TAFA1: variants seen among roughly 807,000 people sequenced by gnomAD.
TAFA1 encodes the protein TAFA chemokine like family member 1, also known as chemokine-like protein TAFA-1.
Under a neutral mutation model 18.5 loss-of-function variants are expected in TAFA1, and 4 were observed. That is an observed-to-expected ratio of 0.22 (90% CI 0.11 to 0.49). The LOEUF (loss-of-function observed/expected upper bound fraction) is 0.49. Ranked by LOEUF, TAFA1 falls within the 20% of genes least tolerant of loss-of-function variation. TAFA1 has a pLI of 0.98. For synonymous variants in TAFA1, 56 were observed against 55.2 expected (o/e 1.01, Z -0.06); for missense variants, 147 against 169.0 (o/e 0.87, Z 0.72).
intron 3 of TAFA1, among the ~76,000 whole-genome samples, chr3:68,466,706 T>G (rs1209981782): frequency 6.6e-6 from 1 of 152,216 alleles, no homozygotes; most frequent in African/African-American, 2.4e-5. Context: ...TCAATATTTT[T>G]ATTTTAACAT....
chr3:68,006,119 T>C (rs1704352011), intron 1 of TAFA1: 1 of 155,606 alleles, frequency 6.4e-6, no homozygotes, highest in Non-Finnish European at 1.4e-5. Context: ...GATTACAACA[T>C]GCCTCTGAGA....
chr3:68,488,801 T>TG (rs2072396626), intron 3 of TAFA1, among the ~76,000 whole-genome samples: 1 of 152,184 alleles, frequency 6.6e-6, no homozygotes, highest in Admixed American at 6.5e-5. Context: ...TGGTGTTGAT[T>TG]GATTGTGTTA....
chr3:68,258,201 T>C (rs949594339), intron 2 of TAFA1, among the ~76,000 whole-genome samples: 1 of 152,220 alleles, frequency 6.6e-6, no homozygotes, highest in Non-Finnish European at 1.5e-5. Flanking sequence ...GTGTTCATAT[T>C]AGGAGAAGTT....
intron 3 of TAFA1, among the ~76,000 whole-genome samples, chr3:68,493,438 G>A (rs1416154444): frequency 6.6e-6 from 1 of 152,176 alleles, no homozygotes; most frequent in Non-Finnish European, 1.5e-5. Context: ...AAATAATGCT[G>A]CTATGCACAT....
chr3:68,255,586 G>T (rs559072512), intron 2 of TAFA1, among the ~76,000 whole-genome samples: 6 of 152,196 alleles, frequency 3.9e-5, no homozygotes, highest in African/African-American at 1.4e-4. Context: ...GTCCGTTCAG[G>T]TGATGCCAGG....
intron 2 of TAFA1, among the ~76,000 whole-genome samples, chr3:68,240,201 C>T (rs1480894359): frequency 6.6e-6 from 1 of 152,080 alleles, no homozygotes; most frequent in Non-Finnish European, 1.5e-5. Flanking sequence ...TATCTTCTTC[C>T]CAACTATACC....
intron 2 of TAFA1, among the ~76,000 whole-genome samples, chr3:68,087,690 A>G (rs1046462146): frequency 1.3e-5 from 2 of 151,510 alleles, no homozygotes; most frequent in African/African-American, 4.9e-5. Context: ...AAAACATAGC[A>G]TTATATTAAA....
chr3:68,253,371 T>C (rs1381982878), intron 2 of TAFA1, among the ~76,000 whole-genome samples: 1 of 152,202 alleles, frequency 6.6e-6, no homozygotes, highest in African/African-American at 2.4e-5. Context: ...TTTTCCCAAA[T>C]GGTCCAGTCT....
rs145368173 is a variant in TAFA1 at position 68,485,450 on chromosome 3, A to C, written c.260-53306A>C. On this transcript the variant is annotated intron_variant, in intron 3 of 4. Transcript: ENST00000478136. ...CATCATTTTTTGCCTCTACTGACAA[A>C]GTCAGAATTTAGATGAGTGTACCTG... 2.6e-4 allele frequency among the ~76,000 whole-genome samples: 40 copies of C among 152,316 alleles called. No individual in the cohort carries two copies. In the East Asian group the frequency reaches 6.9e-3, roughly 26 times the overall value.
chr3:68,208,836 T>C (rs1212633088), intron 2 of TAFA1, among the ~76,000 whole-genome samples: 3 of 151,988 alleles, frequency 2.0e-5, no homozygotes, highest in African/African-American at 7.2e-5. Flanking sequence ...AGGTTCTCAC[T>C]ACTTAGTGTG....
chr3:68,299,523 C>T (rs1235772447), intron 2 of TAFA1, among the ~76,000 whole-genome samples: 2 of 152,176 alleles, frequency 1.3e-5, no homozygotes, highest in Non-Finnish European at 2.9e-5. Flanking sequence ...CCTGACAATG[C>T]AATAGAAAGT....
intron 3 of TAFA1, among the ~76,000 whole-genome samples, chr3:68,507,841 T>C (rs1000800866): frequency 6.6e-6 from 1 of 152,112 alleles, no homozygotes; most frequent in African/African-American, 2.4e-5. Context: ...ATAACCTAAG[T>C]AATGAGAAAG....
In TAFA1 at chr3:68,022,830, AAT is replaced by A. The variant is rs72150626; in HGVS notation, c.118+16097_118+16098del. 3.1e-4 allele frequency among the ~76,000 whole-genome samples: 17 copies of A among 54,814 alleles called. No individual in the cohort carries two copies. The East Asian group carries it at 4.3e-3, about 14-fold the overall frequency. The allele number at this position is 54,814 out of a possible 152,430, so 36.0% of individuals were successfully genotyped here. A position where few individuals can be genotyped will look rare whatever the true frequency, so the allele number is the denominator to read the frequency against. Reference sequence around the variant, plus strand: ...AGATTTATATATATATATTATATATAATATATATATATTATATATATATATAT... The same window carrying A: ...AGATTTATATATATATATTATATATAATATATATATTATATATATATATAT... On this transcript the variant is annotated intron_variant, in intron 2 of 4. Transcript: ENST00000478136.
chr3:68,242,256 C>T (rs749133573), intron 2 of TAFA1, among the ~76,000 whole-genome samples: 13 of 152,090 alleles, frequency 8.5e-5, no homozygotes, highest in Admixed American at 1.3e-4. Context: ...TAGGTAAGAA[C>T]GTTTCTAATG....
intron 2 of TAFA1, among the ~76,000 whole-genome samples, chr3:68,243,755 G>A (rs1464695477): frequency 6.6e-6 from 1 of 152,018 alleles, no homozygotes; most frequent in Non-Finnish European, 1.5e-5. Context: ...AAGAGACCAT[G>A]GACATTCTGA....
intron 2 of TAFA1, among the ~76,000 whole-genome samples, chr3:68,246,007 G>A (rs1402317760): frequency 1.3e-5 from 2 of 152,132 alleles, no homozygotes; most frequent in Non-Finnish European, 2.9e-5. Flanking sequence ...GCTCCCTGAG[G>A]ACAGGGATCT....
intron 3 of TAFA1, among the ~76,000 whole-genome samples, chr3:68,419,828 A>T (rs940435028): frequency 5.3e-5 from 8 of 152,206 alleles, no homozygotes; most frequent in Admixed American, 5.2e-4. Context: ...TTAAGAAAAT[A>T]AAGGAATCGC....
At chr3:68,380,078 C>T (rs1304030962) in intron 2 of TAFA1, among the ~76,000 whole-genome samples, 7 of 152,058 alleles carry the variant, frequency 4.6e-5, no homozygotes, top group African/African-American at 1.7e-4. Context: ...TCATCCATGT[C>T]CCTACAAAGG....
intron 2 of TAFA1, among the ~76,000 whole-genome samples, chr3:68,414,258 G>T (rs2106788340): frequency 6.6e-6 from 1 of 152,282 alleles, no homozygotes; most frequent in East Asian, 1.9e-4. Flanking sequence ...AGTGAACTGA[G>T]ATCGCGCCAT....
Sources: allele counts gnomAD v4.1 joint callset (sites outside exome capture counted in the v4.1 genomes callset), GRCh38; gene constraint gnomAD v4.1.1; transcripts MANE v1.5; gene names NCBI Gene and HGNC (gene_info 2026-07-23, HGNC 2026-07-21).